The following TGFBR3 variants were observed in gnomAD, a reference collection of about 807,000 sequenced individuals.
TGFBR3 encodes the protein transforming growth factor beta receptor type 3.
Under a neutral mutation model 87.9 loss-of-function variants are expected in TGFBR3, and 46 were observed. The observed-to-expected ratio is 0.52, with a 90% CI of 0.41 to 0.67. TGFBR3 has a LOEUF of 0.67. Among genes scored for constraint, TGFBR3 ranks in the 30% least tolerant of loss-of-function variants. The pLI, the probability that TGFBR3 is intolerant of heterozygous loss-of-function variation, is 0.00. For synonymous variants in TGFBR3, 381 were observed against 391.6 expected (o/e 0.97, Z 0.32); for missense variants, 866 against 1,041.9 (o/e 0.83, Z 2.32).
In TGFBR3 at chr1:91,683,426, A is replaced by C. The variant is rs1315566711; in HGVS notation, c.*313T>G. 1.7e-6 allele frequency: 1 copy of C among 579,808 alleles called. No individual in the cohort carries two copies. Among genetic ancestry groups the C allele is most frequent in the African/African-American group, 1.8e-5 (1 of 54,560 alleles). 35.9% of individuals were successfully genotyped at this position (579,808 alleles called of 1,614,324 possible). A position where few individuals can be genotyped will look rare whatever the true frequency, so the allele number is the denominator to read the frequency against. ...GATGTTCTCACCTGGACAAAGCAGC[A>C]TTTTAAAAACTGGCATGTGTTTCAC... On this transcript the variant is annotated 3_prime_UTR_variant, in exon 17 of 17. Coordinates refer to ENST00000212355, the MANE Select transcript of TGFBR3 (RefSeq NM_003243.5).
chr1:91,700,954 G>C (rs753185898), intron 14 of TGFBR3, among the ~76,000 whole-genome samples: 8 of 152,116 alleles, frequency 5.3e-5, no homozygotes, highest in Non-Finnish European at 8.8e-5. Flanking sequence ...GATGCATCAT[G>C]TAAGAAATAT....
intron 8 of TGFBR3, 53 bp from the exon 9 acceptor site, chr1:91,720,283 CAA>C: frequency 6.7e-7 from 1 of 1,496,120 alleles, no homozygotes; most frequent in Non-Finnish European, 9.1e-7. Context: ...AGGCCACAAC[CAA>C]CATCATTACA....
intron 4 of TGFBR3, among the ~76,000 whole-genome samples, chr1:91,745,436 A>C (rs1359390496): frequency 6.6e-6 from 1 of 152,200 alleles, no homozygotes; most frequent in East Asian, 1.9e-4. Flanking sequence ...GGTAAAGGAG[A>C]ATAGGTATTC....
At chr1:91,794,995 C>T (rs574930610) in intron 3 of TGFBR3, among the ~76,000 whole-genome samples, 36 of 152,322 alleles carry the variant, frequency 2.4e-4, no homozygotes, top group Middle Eastern at 3.4e-3. Context: ...AAAGAGTGAG[C>T]GATATTTAAT....
intron 3 of TGFBR3, among the ~76,000 whole-genome samples, chr1:91,760,209 C>A (rs1256210386): frequency 2.0e-5 from 3 of 152,110 alleles, no homozygotes; most frequent in African/African-American, 2.4e-5. Flanking sequence ...GGACTGTAGG[C>A]CAGGAGCTTG....
At chr1:91,727,898 T>TG in intron 6 of TGFBR3, 92 bp from the exon 7 acceptor site, 1 of 1,489,478 alleles carries the variant, frequency 6.7e-7, no homozygotes, top group Non-Finnish European at 9.2e-7. Context: ...TTCTAGTGTC[T>TG]GGCCAGTTGA....
intron 2 of TGFBR3, among the ~76,000 whole-genome samples, chr1:91,855,031 A>C (rs183305766): frequency 6.6e-6 from 1 of 152,298 alleles, no homozygotes; most frequent in African/African-American, 2.4e-5. Context: ...ACCATTCCAG[A>C]CCAAGTATTA....
intron 4 of TGFBR3, among the ~76,000 whole-genome samples, chr1:91,750,462 T>C (rs1673499001): frequency 6.6e-6 from 1 of 152,134 alleles, no homozygotes; most frequent in Non-Finnish European, 1.5e-5. Context: ...ACTAGGGTAG[T>C]TGACTGACCC....
At chr1:91,852,553 C>T (rs545917557) in intron 2 of TGFBR3, among the ~76,000 whole-genome samples, 3 of 152,256 alleles carry the variant, frequency 2.0e-5, no homozygotes, top group Non-Finnish European at 2.9e-5. Flanking sequence ...TGCAGGCTAC[C>T]CTATCCACTC....
intron 2 of TGFBR3, among the ~76,000 whole-genome samples, chr1:91,858,610 C>CAAAAA (rs58608714): frequency 1.3e-5 from 1 of 78,320 alleles, no homozygotes. Flanking sequence ...GACTCTGTCT[C>CAAAAA]AAAAAAAAAA....
Position 91,719,938 on chromosome 1 carries a change from A to G in TGFBR3, c.1368T>C (p.Cys456=). 6.2e-7 allele frequency: 1 copy of G among 1,614,126 alleles called. No homozygotes were observed. Among genetic ancestry groups the G allele is most frequent in the Non-Finnish European group, 8.5e-7 (1 of 1,180,034 alleles). Residue 456 remains cysteine (C), a synonymous_variant, in exon 9 of 17, where the codon TGT becomes TGC. Transcript: ENST00000212355. ...CAGCCACGATCATCTTCTCATTGTCACATTTGACAGACAGGGCAATATCCA... is the reference window on the plus strand; with the variant it reads ...CAGCCACGATCATCTTCTCATTGTCGCATTTGACAGACAGGGCAATATCCA... ...GSVDIALSVK[C]DNEKMIVAVE...
chr1:91,747,261 C>T (rs769458889), intron 4 of TGFBR3, among the ~76,000 whole-genome samples: 20 of 152,310 alleles, frequency 1.3e-4, no homozygotes, highest in Admixed American at 7.2e-4. Flanking sequence ...TCAGCAAAGA[C>T]CTGGGTGTCT....
In TGFBR3 at chr1:91,886,056, G is replaced by A; in HGVS notation, c.-292C>T. On this transcript the variant is annotated 5_prime_UTR_variant, in exon 1 of 17. Transcript: ENST00000212355. ...TCCTGCAGGGAGCTCCGGGAATCGC[G>A]CAGGGAAAGTGGCCGGGGCGCGAGA... The A allele has an allele frequency of 2.2e-6, 1 of 454,016 alleles. No homozygotes were observed. The highest frequency in any genetic ancestry group is 4.4e-6 in the Non-Finnish European group (1 of 226,758). 28.1% of individuals were successfully genotyped at this position (454,016 alleles called of 1,614,324 possible).
intron 12 of TGFBR3, among the ~76,000 whole-genome samples, chr1:91,714,772 T>C (rs536625450): frequency 2.0e-5 from 3 of 152,290 alleles, no homozygotes; most frequent in Admixed American, 1.3e-4. Flanking sequence ...CCATGTGAAC[T>C]GTACAGCCAG....
At chr1:91,846,318 G>C (rs1421341118) in intron 2 of TGFBR3, among the ~76,000 whole-genome samples, 1 of 152,122 alleles carries the variant, frequency 6.6e-6, no homozygotes, top group Non-Finnish European at 1.5e-5. Flanking sequence ...ACCATTAATG[G>C]AACACTGCCA....
rs771994220 is a variant in TGFBR3, at chr1:91,716,678, T to C, written c.1597A>G (p.Ser533Gly). The change falls in exon 11 of 17, where the codon AGT becomes GGT. Residue 533 changes from serine to glycine, a missense_variant. Coordinates refer to ENST00000212355, the MANE Select transcript of TGFBR3 (RefSeq NM_003243.5). ...TCATAACCATCTGGCCAACCACTACTGTCCCCAAGGGCTGGAACCTGTATC... is the reference window on the plus strand; with the variant it reads ...TCATAACCATCTGGCCAACCACTACCGTCCCCAAGGGCTGGAACCTGTATC... Reference protein sequence around the residue: ...IVIQVPALGDSSGWPDGYEDL... With the variant: ...IVIQVPALGDGSGWPDGYEDL... The C allele has an allele frequency of 5.6e-6, 9 of 1,614,106 alleles. No homozygotes were observed. The highest frequency in any genetic ancestry group is 1.6e-4 in the Middle Eastern group (1 of 6,062).
At position 91,716,681 on chromosome 1, in the gene TGFBR3, C is replaced by T; in HGVS notation, c.1594G>A (p.Asp532Asn). 3 of 1,614,106 alleles carry T rather than the reference C, an allele frequency of 1.9e-6. No homozygotes were observed. Among genetic ancestry groups the T allele is most frequent in the Non-Finnish European group, 2.5e-6 (3 of 1,180,018 alleles). ...SIVIQVPALG[D>N]SSGWPDGYED... Reference sequence around the variant, plus strand: ...TAACCATCTGGCCAACCACTACTGTCCCCAAGGGCTGGAACCTGTATCACA... The same window carrying T: ...TAACCATCTGGCCAACCACTACTGTTCCCAAGGGCTGGAACCTGTATCACA... The change falls in exon 11 of 17, where the codon GAC becomes AAC. Residue 532 changes from aspartate (D) to asparagine (N), a missense_variant. Coordinates refer to ENST00000212355, the MANE Select transcript of TGFBR3 (RefSeq NM_003243.5).
chr1:91,705,399 G>GTT (rs557138317), intron 14 of TGFBR3, among the ~76,000 whole-genome samples: 27 of 146,372 alleles, frequency 1.8e-4, no homozygotes, highest in African/African-American at 6.7e-4. Flanking sequence ...AATTTTTTTG[G>GTT]TTTTTTTTTT....
intron 2 of TGFBR3, among the ~76,000 whole-genome samples, chr1:91,845,673 G>C (rs896378292): frequency 6.6e-6 from 1 of 152,126 alleles, no homozygotes; most frequent in African/African-American, 2.4e-5. Context: ...CCTGCATGTA[G>C]TATACCCTGA....
Sources: allele counts gnomAD v4.1 joint callset (sites outside exome capture counted in the v4.1 genomes callset), GRCh38; gene constraint gnomAD v4.1.1; transcripts MANE v1.5; gene names NCBI Gene and HGNC (gene_info 2026-07-23, HGNC 2026-07-21).